The following RYR2 variants were observed in gnomAD, a reference collection of about 807,000 sequenced individuals.
RYR2 encodes the protein ryanodine receptor 2, also known as cardiac muscle ryanodine receptor-calcium release channel.
A neutral mutation model predicts 601.1 loss-of-function variants in RYR2; 227 were observed. The ratio of observed to expected loss-of-function variants is 0.38; its 90% CI spans 0.34 to 0.42. The LOEUF is 0.42. Among genes scored for constraint, RYR2 ranks in the 10% least tolerant of loss-of-function variants. The pLI, the probability that RYR2 is intolerant of heterozygous loss-of-function variation, is 1.00. For missense variants in RYR2, 4,646 were observed against 6,156.5 expected, an observed-to-expected ratio of 0.75 and a Z score of 8.21; for synonymous variants, 2,223 against 2,175.1, an observed-to-expected ratio of 1.02 and a Z score of -0.61.
At chr1:237,231,956 T>C (rs572338931) in intron 1 of RYR2, among the ~76,000 whole-genome samples, 1 of 152,298 alleles carries the variant, frequency 6.6e-6, no homozygotes, top group Non-Finnish European at 1.5e-5. Context: ...AGGTGGCAAA[T>C]AAGATGAGGT....
chr1:237,640,603 TACC>T (rs1681366923), intron 46 of RYR2, among the ~76,000 whole-genome samples: 1 of 152,170 alleles, frequency 6.6e-6, no homozygotes, highest in Non-Finnish European at 1.5e-5. Flanking sequence ...ATGCACTCAC[TACC>T]ACTAGGAAGG....
chr1:237,815,140 T>A (rs1249203465), intron 100 of RYR2, among the ~76,000 whole-genome samples: 1 of 152,034 alleles, frequency 6.6e-6, no homozygotes. Flanking sequence ...ATCAACAACT[T>A]CCTCTTCTAA....
intron 1 of RYR2, chr1:237,121,191 T>A (rs1670739816): frequency 6.6e-6 from 1 of 152,154 alleles, no homozygotes; most frequent in Admixed American, 6.6e-5. Flanking sequence ...TTATGCAGTT[T>A]GCAAAATGCA....
intron 2 of RYR2, among the ~76,000 whole-genome samples, chr1:237,326,109 A>G (rs1395337955): frequency 1.3e-5 from 2 of 152,124 alleles, no homozygotes; most frequent in East Asian, 3.9e-4. Flanking sequence ...CTGGAAGCCA[A>G]GTAGTTGATG....
In RYR2 at chr1:237,832,934, T is replaced by A. The variant is rs1663968727; in HGVS notation, c.*287T>A. The A allele has an allele frequency of 4.3e-6, 1 of 230,162 alleles. No homozygotes were observed. Among genetic ancestry groups the A allele is most frequent in the Non-Finnish European group, 8.6e-6 (1 of 116,452 alleles). 14.3% of individuals were successfully genotyped at this position (230,162 alleles called of 1,614,324 possible). On this transcript the variant is annotated 3_prime_UTR_variant, in exon 105 of 105. Transcript: ENST00000366574. ...TGTCATAACACACATAGATAGATTT[T>A]CTTCTGAGACTCCCGGAGTCTTCTC... is the stretch of plus-strand genomic sequence containing the variant.
chr1:237,333,568 G>C, intron 3 of RYR2: 1 of 455,758 alleles, frequency 2.2e-6, no homozygotes, highest in Non-Finnish European at 4.4e-6. Flanking sequence ...TACCAAGAAG[G>C]ATAGATATTT....
intron 17 of RYR2, among the ~76,000 whole-genome samples, chr1:237,473,474 T>TTTCTTTCTTTCTTTCTTC (rs1553464743): frequency 4.0e-5 from 6 of 150,514 alleles, no homozygotes; most frequent in East Asian, 3.9e-4. Context: ...TCTATCTATC[T>TTTCTTTCTTTCTTTCTTC]ATCTGGCATA....
chr1:237,417,242 C>T (rs548617302), intron 11 of RYR2, 119 bp downstream of exon 11: 5 of 710,840 alleles, frequency 7.0e-6, no homozygotes, highest in African/African-American at 3.6e-5. Flanking sequence ...AAAGGAAACA[C>T]CGAGAAAGTG....
chr1:237,690,344 A>AT (rs1226086680), intron 63 of RYR2, among the ~76,000 whole-genome samples: 2 of 152,196 alleles, frequency 1.3e-5, no homozygotes, highest in East Asian at 1.9e-4. Flanking sequence ...CTGAACCTGC[A>AT]TTTTTTCATT....
At chr1:237,473,948 AT>A (rs1351281167) in intron 17 of RYR2, among the ~76,000 whole-genome samples, 1 of 151,986 alleles carries the variant, frequency 6.6e-6, no homozygotes, top group Non-Finnish European at 1.5e-5. Flanking sequence ...TCCAAATATG[AT>A]TTTACACTGT....
At chr1:237,272,908 T>TA in intron 2 of RYR2, among the ~76,000 whole-genome samples, 1 of 152,148 alleles carries the variant, frequency 6.6e-6, no homozygotes, top group Admixed American at 6.6e-5. Flanking sequence ...CCAGAGCACG[T>TA]AAACCCACAG....
At chr1:237,530,282 G>T (rs1282883398) in intron 24 of RYR2, 145 bp from the exon 25 acceptor site, 3 of 567,788 alleles carry the variant, frequency 5.3e-6, no homozygotes, top group Non-Finnish European at 9.4e-6. Flanking sequence ...CTGCACTCCA[G>T]CCTGGGCGAC....
chr1:237,735,858 G>A (rs1175265795), intron 79 of RYR2, among the ~76,000 whole-genome samples: 1 of 152,144 alleles, frequency 6.6e-6, no homozygotes, highest in Non-Finnish European at 1.5e-5. Context: ...GTTCAGTACA[G>A]ACACAATCAC....
intron 63 of RYR2, 111 bp downstream of exon 63, chr1:237,687,615 C>A: frequency 1.2e-6 from 1 of 820,512 alleles, no homozygotes. Context: ...TGCATGGCTG[C>A]ATGCATGGTC....
At chr1:237,073,845 T>TG (rs2148344191) in intron 1 of RYR2, among the ~76,000 whole-genome samples, 1 of 125,596 alleles carries the variant, frequency 8.0e-6, no homozygotes, top group East Asian at 2.5e-4. Context: ...TACTCCAGCC[T>TG]GGGCGACAGA....
rs1184943114 is a variant in RYR2, at chr1:237,659,976, T to C, written c.8209-9T>C. 8 of 1,568,204 alleles carry C rather than the reference T, an allele frequency of 5.1e-6. No individual in the cohort carries two copies. Among genetic ancestry groups the C allele is most frequent in the Non-Finnish European group, 6.9e-6 (8 of 1,160,340 alleles). On this transcript the variant is annotated splice_polypyrimidine_tract_variant and intron_variant, in intron 54 of 104. Coordinates refer to ENST00000366574, the MANE Select transcript of RYR2 (RefSeq NM_001035.3). ...GTAAAACAATTTTTAATGTTTGCCT[T>C]TTTTTAAGTTGGCAAATGGATGGAT...
At chr1:237,350,571 C>CAAAAA (rs1167546068) in intron 3 of RYR2, among the ~76,000 whole-genome samples, 2 of 26,964 alleles carry the variant, frequency 7.4e-5, no homozygotes, top group African/African-American at 1.1e-4. Flanking sequence ...GACTCTGTCT[C>CAAAAA]AAAAAAAAAA....
intron 1 of RYR2, among the ~76,000 whole-genome samples, chr1:237,136,303 C>T (rs1485494672): frequency 3.3e-5 from 5 of 152,166 alleles, no homozygotes; most frequent in Admixed American, 3.3e-4. Context: ...TAATGCAAGG[C>T]AGAGTTGCAT....
chr1:237,085,644 G>A (rs1666242437), intron 1 of RYR2, among the ~76,000 whole-genome samples: 1 of 152,176 alleles, frequency 6.6e-6, no homozygotes, highest in Non-Finnish European at 1.5e-5. Context: ...CATTTGAGGT[G>A]AACTGCCCCA....
Sources: allele counts gnomAD v4.1 joint callset (sites outside exome capture counted in the v4.1 genomes callset), GRCh38; gene constraint gnomAD v4.1.1; transcripts MANE v1.5; gene names NCBI Gene and HGNC (gene_info 2026-07-23, HGNC 2026-07-21).